GOSR2: variants seen among roughly 807,000 people sequenced by gnomAD.
GOSR2 encodes 27 kDa Golgi SNARE protein.
GOSR2 carries 20 observed loss-of-function variants against 27.9 expected under a neutral mutation model. That is an observed-to-expected ratio of 0.72 (90% CI 0.50 to 1.04). The LOEUF (loss-of-function observed/expected upper bound fraction) is 1.04, where lower values mean the gene tolerates loss of function less well. Ranked by LOEUF, GOSR2 falls within the 50% of genes least tolerant of loss-of-function variation. The pLI is 0.00. For synonymous variants in GOSR2, 91 were observed against 98.8 expected, an observed-to-expected ratio of 0.92 and a Z score of 0.47; for missense variants, 261 against 270.5, an observed-to-expected ratio of 0.97 and a Z score of 0.25.
chr17:46,961,138 TA>T (rs1239818160), intron 6 of GOSR2, among the ~76,000 whole-genome samples: 1 of 152,126 alleles, frequency 6.6e-6, no homozygotes, highest in African/African-American at 2.4e-5. Flanking sequence ...AGGATAAAGG[TA>T]AAGATATTGA....
chr17:46,923,568 G>A, intron 1 of GOSR2: 1 of 1,318,688 alleles, frequency 7.6e-7, no homozygotes, highest in African/African-American at 1.5e-5. Flanking sequence ...GACCTCGAGA[G>A]GAGACACGGA....
At chr17:46,950,624 G>T (rs1391079338) in intron 6 of GOSR2, among the ~76,000 whole-genome samples, 1 of 152,158 alleles carries the variant, frequency 6.6e-6, no homozygotes, top group Non-Finnish European at 1.5e-5. Context: ...GAACTTAGCG[G>T]GGGAGATGAC....
rs1236319330 is a variant in GOSR2, at chr17:46,940,284, C to T, written c.*1524C>T. On this transcript the variant is annotated 3_prime_UTR_variant, in exon 6 of 6. Transcript: ENST00000640051. ...GAGGAGATCTCCATTGTTCCTACCC[C>T]TCCGGGCCAAATGGGCCCCAGGTTT... 10 of 1,436,876 alleles carry T rather than the reference C, an allele frequency of 7.0e-6. No individual in the cohort carries two copies. The highest frequency in any genetic ancestry group is 8.2e-6 in the Non-Finnish European group (9 of 1,100,246). The allele number at this position is 1,436,876 out of a possible 1,614,324, so 89.0% of individuals were successfully genotyped here.
chr17:46,932,221 G>T (rs1251720964), intron 4 of GOSR2, 22 bp downstream of exon 4: 16 of 1,613,666 alleles, frequency 9.9e-6, no homozygotes, highest in Non-Finnish European at 1.1e-5. Flanking sequence ...CCGTGGTGAG[G>T]GTCGGCCTGC....
chr17:46,928,398 A>G (rs1404019722), intron 1 of GOSR2, among the ~76,000 whole-genome samples: 1 of 152,140 alleles, frequency 6.6e-6, no homozygotes, highest in African/African-American at 2.4e-5. Context: ...GTTGGGGATG[A>G]TGTGAGAGTC....
intron 6 of GOSR2, chr17:46,955,516 TATCTC>T (rs1395388211): frequency 2.6e-5 from 4 of 152,322 alleles, no homozygotes; most frequent in Admixed American, 1.3e-4. Flanking sequence ...CCCAAATTCT[TATCTC>T]AACAAGAGTC....
rs985021778 is a variant in GOSR2 at position 46,939,767 on chromosome 17, A to G, written c.*1007A>G. ...TTGTAACACTCTGTTTTCAGGGACTACAACCTTTTTCCTTCTGTGACCAGC... is the reference window on the plus strand; with the variant it reads ...TTGTAACACTCTGTTTTCAGGGACTGCAACCTTTTTCCTTCTGTGACCAGC... On this transcript the variant is annotated 3_prime_UTR_variant, in exon 6 of 6. Transcript: ENST00000640051. The G allele has an allele frequency of 2.0e-6, 2 of 987,520 alleles. No individual in the cohort carries two copies. The highest frequency in any genetic ancestry group is 2.4e-6 in the Non-Finnish European group (2 of 831,314). The allele number at this position is 987,520 out of a possible 1,614,324, so 61.2% of individuals were successfully genotyped here. A position where few individuals can be genotyped will look rare whatever the true frequency, so the allele number is the denominator to read the frequency against.
At chr17:46,954,311 GTTT>G (rs1199750751) in intron 6 of GOSR2, among the ~76,000 whole-genome samples, 5 of 152,138 alleles carry the variant, frequency 3.3e-5, no homozygotes, top group Non-Finnish European at 5.9e-5. Context: ...CCCATTTCTT[GTTT>G]TTGTCAGGTT....
At chr17:46,951,705 CAA>C (rs2090362226) in intron 6 of GOSR2, among the ~76,000 whole-genome samples, 1 of 152,172 alleles carries the variant, frequency 6.6e-6, no homozygotes, top group African/African-American at 2.4e-5. Context: ...AGGGTTGCCC[CAA>C]AGTCAGATAG....
chr17:46,947,837 C>G (rs1447197817), intron 6 of GOSR2, among the ~76,000 whole-genome samples: 1 of 152,172 alleles, frequency 6.6e-6, no homozygotes, highest in South Asian at 2.1e-4. Context: ...GGCACAATCT[C>G]GGCTCACCGT....
chr17:46,931,937 A>T, intron 3 of GOSR2, 130 bp from the exon 4 acceptor site: 1 of 789,734 alleles, frequency 1.3e-6, no homozygotes, highest in Non-Finnish European at 2.2e-6. Flanking sequence ...TCTTGTGGTG[A>T]GGGGGTATAG....
chr17:46,935,431 T>A, intron 5 of GOSR2: 1 of 1,419,296 alleles, frequency 7.0e-7, no homozygotes, highest in Non-Finnish European at 9.2e-7. Flanking sequence ...ACTGAACTTA[T>A]CATGAAAGTG....
chr17:46,974,182 G>A (rs1019755078), intron 6 of GOSR2, among the ~76,000 whole-genome samples: 1 of 152,254 alleles, frequency 6.6e-6, no homozygotes, highest in Non-Finnish European at 1.5e-5. Flanking sequence ...TAGGCCCTGA[G>A]ACGCATGGAA....
chr17:46,935,442 AGTGCTACTACGAGGGGT>A (rs1297576894), intron 5 of GOSR2: 1 of 1,415,616 alleles, frequency 7.1e-7, no homozygotes, highest in Non-Finnish European at 9.2e-7. Flanking sequence ...CATGAAAGTG[AGTGCTACTACGAGGGGT>A]CCAATCACAG....
Position 46,935,414 on chromosome 17 carries a change from C to A in GOSR2, c.477+245C>A, listed in dbSNP as rs570766020. ...GCCTCTCTTAGGATCCAGGTCTTTT[C>A]CCATTTACTGAACTTATCATGAAAG... is the stretch of plus-strand genomic sequence containing the variant. On this transcript the variant is annotated intron_variant, in intron 5 of 5. Coordinates refer to ENST00000640051, the MANE Select transcript of GOSR2 (RefSeq NM_004287.5). 1.6e-4 allele frequency: 224 copies of A among 1,426,892 alleles called. No homozygotes were observed. In the African/African-American group the frequency reaches 3.0e-3, roughly 19 times the overall value. 88.4% of individuals were successfully genotyped at this position (1,426,892 alleles called of 1,614,324 possible).
chr17:46,954,353 C>A (rs974716129), intron 6 of GOSR2, among the ~76,000 whole-genome samples: 24 of 152,072 alleles, frequency 1.6e-4, no homozygotes, highest in Non-Finnish European at 8.8e-5. Flanking sequence ...AGTAGATAAG[C>A]GGCATTATTT....
intron 6 of GOSR2, among the ~76,000 whole-genome samples, chr17:46,965,538 C>G (rs2091276050): frequency 6.6e-6 from 1 of 152,202 alleles, no homozygotes; most frequent in African/African-American, 2.4e-5. Context: ...TCAACGTGAC[C>G]TAATCTGCCA....
intron 6 of GOSR2, chr17:46,948,696 G>A (rs2090106869): frequency 6.6e-6 from 1 of 152,262 alleles, no homozygotes; most frequent in Admixed American, 6.5e-5. Context: ...GAAATCCCAG[G>A]ATCTTACTGC....
At chr17:46,949,067 A>G (rs2090139146) in intron 6 of GOSR2, 1 of 152,266 alleles carries the variant, frequency 6.6e-6, no homozygotes, top group South Asian at 2.1e-4. Context: ...GCTGACGGCA[A>G]TAGCTCTCAG....
Sources: allele counts gnomAD v4.1 joint callset (sites outside exome capture counted in the v4.1 genomes callset), GRCh38; gene constraint gnomAD v4.1.1; transcripts MANE v1.5; gene names NCBI Gene and HGNC (gene_info 2026-07-23, HGNC 2026-07-21).